The following AUTS2 variants were observed in gnomAD, a reference collection of about 807,000 sequenced individuals.
The protein encoded by AUTS2 is autism susceptibility gene 2 protein.
In AUTS2, 17 loss-of-function variants were observed where a neutral mutation model predicts 112.4. The ratio of observed to expected loss-of-function variants is 0.15; its 90% CI spans 0.10 to 0.23. The LOEUF is 0.23. AUTS2 is among the 10% of genes least tolerant of loss of function. The probability of loss-of-function intolerance (pLI) is 1.00; values close to 1 mark genes in which losing one functional copy is unlikely to be tolerated. For missense variants in AUTS2, 1,510 were observed against 1,701.6 expected, an observed-to-expected ratio of 0.89 and a Z score of 1.98; for synonymous variants, 751 against 702.7, an observed-to-expected ratio of 1.07 and a Z score of -1.09.
chr7:70,744,770 GC>G (rs1164905768), intron 6 of AUTS2, among the ~76,000 whole-genome samples: 3 of 152,116 alleles, frequency 2.0e-5, no homozygotes, highest in Non-Finnish European at 4.4e-5. Context: ...TGACACGTGA[GC>G]CCCCCTTGGC....
At chr7:69,878,902 A>T (rs1190624594) in intron 1 of AUTS2, among the ~76,000 whole-genome samples, 8 of 152,104 alleles carry the variant, frequency 5.3e-5, no homozygotes. Context: ...AGTAGAAAGT[A>T]GGGATTGCTA....
chr7:70,014,464 GT>G (rs1220643197), intron 2 of AUTS2, among the ~76,000 whole-genome samples: 1 of 152,128 alleles, frequency 6.6e-6, no homozygotes, highest in African/African-American at 2.4e-5. Flanking sequence ...GTCTGTCCTG[GT>G]TCTCATTGCA....
At chr7:70,189,990 T>C (rs1584856989) in intron 4 of AUTS2, among the ~76,000 whole-genome samples, 1 of 152,168 alleles carries the variant, frequency 6.6e-6, no homozygotes, top group Non-Finnish European at 1.5e-5. Flanking sequence ...TAAGGATGAA[T>C]AGTAGCTGGA....
chr7:69,847,087 C>A (rs1027810070), intron 1 of AUTS2, among the ~76,000 whole-genome samples: 3 of 151,970 alleles, frequency 2.0e-5, no homozygotes, highest in Non-Finnish European at 4.4e-5. Context: ...CTTAATTTTT[C>A]CCCTCTCCCC....
chr7:70,496,161 G>A (rs1220728242), intron 5 of AUTS2, among the ~76,000 whole-genome samples: 6 of 65,148 alleles, frequency 9.2e-5, no homozygotes, highest in East Asian at 5.1e-4. Context: ...CACACACCAC[G>A]TACACAGTCA....
intron 5 of AUTS2, among the ~76,000 whole-genome samples, chr7:70,625,425 A>G (rs1804886229): frequency 6.6e-6 from 1 of 152,232 alleles, no homozygotes; most frequent in Admixed American, 6.5e-5. Flanking sequence ...TGACAGTCAC[A>G]GCTCTGCCAT....
At chr7:69,717,372 T>C (rs995066440) in intron 1 of AUTS2, among the ~76,000 whole-genome samples, 3 of 152,198 alleles carry the variant, frequency 2.0e-5, no homozygotes, top group Admixed American at 2.0e-4. Flanking sequence ...TGCCACTAGC[T>C]CTCTGGGTGT....
chr7:69,632,849 A>G (rs973560157), intron 1 of AUTS2, among the ~76,000 whole-genome samples: 3 of 152,102 alleles, frequency 2.0e-5, no homozygotes, highest in African/African-American at 7.2e-5. Flanking sequence ...TATTGCTTTT[A>G]TTTATTTTTA....
chr7:70,665,940 C>A (rs1391706091), intron 5 of AUTS2, among the ~76,000 whole-genome samples: 1 of 152,150 alleles, frequency 6.6e-6, no homozygotes, highest in Non-Finnish European at 1.5e-5. Context: ...ACCAGCTTTC[C>A]CAGGATGCAT....
intron 1 of AUTS2, among the ~76,000 whole-genome samples, chr7:69,887,260 C>CA (rs1212888240): frequency 6.6e-6 from 1 of 151,594 alleles, no homozygotes; most frequent in Non-Finnish European, 1.5e-5. Context: ...CTAAAAAATA[C>CA]AAAAAATTAG....
At chr7:70,174,689 A>G (rs984797672) in intron 4 of AUTS2, among the ~76,000 whole-genome samples, 2 of 152,212 alleles carry the variant, frequency 1.3e-5, no homozygotes, top group African/African-American at 4.8e-5. Flanking sequence ...ATTATGCCAA[A>G]TCTGCCCTGT....
chr7:70,517,494 T>C (rs943427150), intron 5 of AUTS2, among the ~76,000 whole-genome samples: 1 of 151,778 alleles, frequency 6.6e-6, no homozygotes, highest in Admixed American at 6.6e-5. Context: ...TAGAGTTCAG[T>C]GTTTTGGGGC....
intron 2 of AUTS2, among the ~76,000 whole-genome samples, chr7:69,984,429 T>A (rs1016985126): frequency 6.7e-6 from 1 of 148,758 alleles, no homozygotes; most frequent in Non-Finnish European, 1.5e-5. Flanking sequence ...AAAAAAAAAT[T>A]GAGTTCTAAA....
At chr7:69,920,537 T>C (rs1167396135) in intron 2 of AUTS2, among the ~76,000 whole-genome samples, 1 of 152,162 alleles carries the variant, frequency 6.6e-6, no homozygotes, top group Non-Finnish European at 1.5e-5. Flanking sequence ...CTACCTGCCA[T>C]GGCCTCCCAA....
At chr7:70,469,626 T>C (rs537994820) in intron 5 of AUTS2, among the ~76,000 whole-genome samples, 9 of 152,104 alleles carry the variant, frequency 5.9e-5, no homozygotes, top group Non-Finnish European at 1.2e-4. Flanking sequence ...GACTCGTGGT[T>C]TGTTTTTGTT....
Position 70,678,632 on chromosome 7 carries a change from C to CT in AUTS2, c.691-19930dup, listed in dbSNP as rs367791153. ...AAACTGACAGAAAAATCAAATACTA[C>CT]TTTTTTTATTAGTTGGGTGAATGCT... On this transcript the variant is annotated intron_variant, in intron 5 of 18. Coordinates refer to ENST00000342771, the MANE Select transcript of AUTS2 (RefSeq NM_015570.4). Among the ~76,000 whole-genome samples the CT allele has an allele frequency of 2.0e-3, 310 of 152,288 alleles. 1 individual carries two copies. The highest frequency in any genetic ancestry group is 7.3e-3 in the African/African-American group (303 of 41,574).
rs1161825217 is a variant in AUTS2, at chr7:69,996,946, TAAAA to T, written c.522+97463_522+97466del. Reference sequence around the variant, plus strand: ...CTTTTTCGAAATAACCTGGAACACTTAAAAAAAAAAAAAAAAAAGCAAACTCCAG... The same window carrying T: ...CTTTTTCGAAATAACCTGGAACACTTAAAAAAAAAAAAAAGCAAACTCCAG... On this transcript the variant is annotated intron_variant, in intron 2 of 18. Transcript: ENST00000342771. Among the ~76,000 whole-genome samples the T allele has an allele frequency of 3.5e-4, 35 of 99,034 alleles. No homozygotes were observed. The South Asian group carries it at 0.013, about 36-fold the overall frequency. 65.0% of individuals were successfully genotyped at this position (99,034 alleles called of 152,430 possible).
chr7:70,105,516 C>T (rs1355783566), intron 2 of AUTS2, among the ~76,000 whole-genome samples: 1 of 152,084 alleles, frequency 6.6e-6, no homozygotes, highest in Non-Finnish European at 1.5e-5. Context: ...CTTCAGCGTC[C>T]CAAAGTGCTG....
chr7:70,081,511 A>G (rs1256160889), intron 2 of AUTS2, among the ~76,000 whole-genome samples: 2 of 152,104 alleles, frequency 1.3e-5, no homozygotes, highest in African/African-American at 2.4e-5. Context: ...TAGTGAGCCA[A>G]GATCATGCCA....
Sources: gnomAD v4.1 joint callset for allele counts (sites outside exome capture counted in the v4.1 genomes callset) on GRCh38, gnomAD v4.1.1 for gene constraint, MANE v1.5 for transcripts, NCBI Gene and HGNC (gene_info 2026-07-23, HGNC 2026-07-21) for gene names.